The following EDIL3 variants were observed in gnomAD, a reference collection of about 807,000 sequenced individuals.
EDIL3 encodes EGF like and discoidin domains 3.
EDIL3 carries 37 observed loss-of-function variants against 67.4 expected under a neutral mutation model. That is an observed-to-expected ratio of 0.55 (90% confidence interval 0.42 to 0.72). The LOEUF is 0.72. EDIL3 is among the 30% of genes least tolerant of loss of function. The pLI is 0.00. For missense variants in EDIL3, 527 were observed against 586.3 expected (o/e 0.90, Z 1.04); for synonymous variants, 195 against 196.3 (o/e 0.99, Z 0.05).
intron 4 of EDIL3, among the ~76,000 whole-genome samples, chr5:84,159,422 G>A (rs979905668): frequency 1.3e-5 from 2 of 151,912 alleles, no homozygotes; most frequent in East Asian, 3.9e-4. Context: ...TTATATAAAT[G>A]TAATAAAACT....
At chr5:83,983,741 TC>T (rs1239589498) in intron 9 of EDIL3, among the ~76,000 whole-genome samples, 3 of 140,260 alleles carry the variant, frequency 2.1e-5, no homozygotes, top group African/African-American at 5.6e-5. Flanking sequence ...ACAGGGACTT[TC>T]TTTTTTTTTT....
intron 5 of EDIL3, among the ~76,000 whole-genome samples, chr5:84,116,789 A>G (rs1374144612): frequency 3.3e-5 from 5 of 152,194 alleles, no homozygotes; most frequent in African/African-American, 1.2e-4. Flanking sequence ...ATAAAAGAAT[A>G]TCGAGAAGGA....
At chr5:84,199,227 T>C (rs1305544525) in intron 3 of EDIL3, among the ~76,000 whole-genome samples, 1 of 152,020 alleles carries the variant, frequency 6.6e-6, no homozygotes, top group Non-Finnish European at 1.5e-5. Flanking sequence ...GTTTTTGCCT[T>C]TGTCCTATTT....
chr5:84,242,610 C>T (rs781110066), intron 2 of EDIL3, among the ~76,000 whole-genome samples: 5 of 151,784 alleles, frequency 3.3e-5, no homozygotes, highest in Non-Finnish European at 5.9e-5. Context: ...TCAGCCTGGG[C>T]GACATGGCAA....
intron 6 of EDIL3, among the ~76,000 whole-genome samples, chr5:84,103,841 A>G (rs1747411521): frequency 6.6e-6 from 1 of 152,110 alleles, no homozygotes; most frequent in Admixed American, 6.6e-5. Flanking sequence ...CAGAACTAAC[A>G]TTCAGCCCAG....
intron 3 of EDIL3, among the ~76,000 whole-genome samples, chr5:84,186,041 A>C (rs1743426006): frequency 6.6e-6 from 1 of 152,116 alleles, no homozygotes; most frequent in South Asian, 2.1e-4. Flanking sequence ...CTTCCTAGCC[A>C]AAAGTTATGT....
intron 1 of EDIL3, among the ~76,000 whole-genome samples, chr5:84,360,719 C>CA (rs1358085911): frequency 6.6e-6 from 1 of 151,898 alleles, no homozygotes; most frequent in African/African-American, 2.4e-5. Context: ...ATTGGCATGG[C>CA]AAAAAGTGGT....
chr5:84,149,121 A>G (rs571527392), intron 4 of EDIL3, among the ~76,000 whole-genome samples: 1 of 152,282 alleles, frequency 6.6e-6, no homozygotes, highest in East Asian at 1.9e-4. Context: ...AGTGAAAGAG[A>G]GGGAGCTGGG....
intron 6 of EDIL3, among the ~76,000 whole-genome samples, chr5:84,091,724 C>A (rs762340281): frequency 6.6e-6 from 1 of 152,184 alleles, no homozygotes; most frequent in Non-Finnish European, 1.5e-5. Context: ...CTCAGATGCT[C>A]ACTTACTTCT....
At chr5:83,994,454 A>T (rs1745203771) in intron 9 of EDIL3, among the ~76,000 whole-genome samples, 2 of 152,056 alleles carry the variant, frequency 1.3e-5, no homozygotes. Context: ...CAAAAAAAAA[A>T]ATTGCTTTTT....
chr5:84,077,053 TTCA>T (rs2112253526), intron 6 of EDIL3, among the ~76,000 whole-genome samples: 2 of 152,358 alleles, frequency 1.3e-5, no homozygotes, highest in African/African-American at 4.8e-5. Context: ...TCATTACTGC[TTCA>T]TCAAGGATGT....
intron 9 of EDIL3, among the ~76,000 whole-genome samples, chr5:83,980,474 C>T (rs184250526): frequency 3.0e-4 from 45 of 151,710 alleles, no homozygotes; most frequent in African/African-American, 1.0e-3. Context: ...GAGCAGATCA[C>T]AAGGCCAAGA....
intron 6 of EDIL3, among the ~76,000 whole-genome samples, chr5:84,096,451 C>T (rs1484004502): frequency 6.6e-6 from 1 of 152,174 alleles, no homozygotes; most frequent in Non-Finnish European, 1.5e-5. Context: ...ATTTGACTAC[C>T]CCAATGGATT....
chr5:84,137,196 CACACACACACACACACACACACAT>C, intron 5 of EDIL3, 21 bp downstream of exon 5: 1 of 1,337,128 alleles, frequency 7.5e-7, no homozygotes, highest in East Asian at 2.4e-5. Context: ...CACACACACA[CACACACACACACACACACACACAT>C]ACACACACGT....
chr5:84,248,599 ACTT>A (rs1214073201), intron 2 of EDIL3, among the ~76,000 whole-genome samples: 1 of 152,136 alleles, frequency 6.6e-6, no homozygotes, highest in East Asian at 1.9e-4. Context: ...TCTATGCTTG[ACTT>A]CTTAGATAAT....
chr5:84,335,052 C>A (rs1435788210), intron 1 of EDIL3, among the ~76,000 whole-genome samples: 3 of 152,096 alleles, frequency 2.0e-5, no homozygotes, highest in African/African-American at 7.2e-5. Flanking sequence ...AAACGCTTTA[C>A]ATATGTTTTC....
intron 10 of EDIL3, among the ~76,000 whole-genome samples, chr5:83,957,013 A>T (rs1744527796): frequency 6.6e-6 from 1 of 151,762 alleles, no homozygotes; most frequent in African/African-American, 2.4e-5. Flanking sequence ...TGACTACATG[A>T]ATTTCTATCA....
At chr5:84,177,318 G>A (rs1176785564) in intron 4 of EDIL3, among the ~76,000 whole-genome samples, 1 of 151,892 alleles carries the variant, frequency 6.6e-6, no homozygotes, top group African/African-American at 2.4e-5. Flanking sequence ...ACATTGATAA[G>A]TGAAAAAAAA....
intron 3 of EDIL3, among the ~76,000 whole-genome samples, chr5:84,214,596 G>C (rs2112393000): frequency 6.6e-6 from 1 of 152,138 alleles, no homozygotes; most frequent in Middle Eastern, 3.4e-3. Flanking sequence ...GTAATTTACA[G>C]CATCTTTAAT....
Sources: gnomAD v4.1 joint callset for allele counts (sites outside exome capture counted in the v4.1 genomes callset) on GRCh38, gnomAD v4.1.1 for gene constraint, MANE v1.5 for transcripts, NCBI Gene and HGNC (gene_info 2026-07-23, HGNC 2026-07-21) for gene names.